The following CD302 variants were observed in gnomAD, a reference collection of about 807,000 sequenced individuals.
CD302 encodes CD302 antigen.
Under a neutral mutation model 26.5 loss-of-function variants are expected in CD302, and 23 were observed. That is an observed-to-expected ratio of 0.87 (90% CI 0.62 to 1.23). The LOEUF (loss-of-function observed/expected upper bound fraction) is 1.23. Ranked by LOEUF, CD302 falls within the 50% of genes most tolerant of loss-of-function variation. The probability of loss-of-function intolerance (pLI) is 0.00; values close to 1 mark genes in which losing one functional copy is unlikely to be tolerated. For missense variants in CD302, 290 were observed against 275.5 expected (o/e 1.05, Z -0.37); for synonymous variants, 90 against 99.4 (o/e 0.91, Z 0.56).
intron 1 of CD302, among the ~76,000 whole-genome samples, chr2:159,786,160 C>T (rs900196074): frequency 3.9e-5 from 6 of 151,978 alleles, no homozygotes; most frequent in African/African-American, 1.5e-4. Context: ...TTTTTGGATT[C>T]CTAACACCTC....
At chr2:159,782,937 A>G (rs376817330) in intron 2 of CD302, among the ~76,000 whole-genome samples, 2 of 152,218 alleles carry the variant, frequency 1.3e-5, no homozygotes, top group East Asian at 1.9e-4. Context: ...CTCTAAGCCT[A>G]AAATCCAACA....
chr2:159,773,178 G>A (rs1708208467), intron 5 of CD302, among the ~76,000 whole-genome samples: 1 of 152,182 alleles, frequency 6.6e-6, no homozygotes, highest in African/African-American at 2.4e-5. Flanking sequence ...ATGATGTCCA[G>A]CTAATTTTTG....
At chr2:159,774,111 T>TA (rs1708239400) in intron 5 of CD302, among the ~76,000 whole-genome samples, 1 of 151,954 alleles carries the variant, frequency 6.6e-6, no homozygotes, top group African/African-American at 2.4e-5. Flanking sequence ...GCCTTGAAGT[T>TA]ATCTCCTACT....
Position 159,798,113 on chromosome 2 carries a change from G to T in CD302, c.67+19C>A, listed in dbSNP as rs777168646. 2.4e-4 allele frequency: 355 copies of T among 1,495,800 alleles called. No individual in the cohort carries two copies. The highest frequency in any genetic ancestry group is 3.1e-4 in the Non-Finnish European group (345 of 1,128,268). 92.7% of individuals were successfully genotyped at this position (1,495,800 alleles called of 1,614,324 possible). A position where few individuals can be genotyped will look rare whatever the true frequency, so the allele number is the denominator to read the frequency against. On this transcript the variant is annotated intron_variant, in intron 1 of 5. Transcript: ENST00000259053. ...GGCGGTCGCGCACGGTCCCGGCGAG[G>T]GACTACGTAAGGGCTTACCCGCGAC...
In CD302 at chr2:159,779,863, A is replaced by G. The variant is rs1213423540; in HGVS notation, c.469+142T>C. The G allele has an allele frequency of 8.1e-6, 8 of 986,222 alleles. No homozygotes were observed. In the East Asian group the frequency reaches 8.2e-5, roughly 10 times the overall value. 61.1% of individuals were successfully genotyped at this position (986,222 alleles called of 1,614,324 possible). ...AAGCAATCCAGTGCCTCAGTTTACC[A>G]TAATGCTGGGATTGCAGGCGTGAGC... On this transcript the variant is annotated intron_variant, in intron 4 of 5. Transcript: ENST00000259053.
chr2:159,787,028 T>C (rs1268034920), intron 1 of CD302, among the ~76,000 whole-genome samples: 1 of 152,240 alleles, frequency 6.6e-6, no homozygotes, highest in Non-Finnish European at 1.5e-5. Flanking sequence ...AAAAATCATT[T>C]TATTTAAGAC....
At chr2:159,797,212 G>A (rs1358450496) in intron 1 of CD302, among the ~76,000 whole-genome samples, 1 of 122,288 alleles carries the variant, frequency 8.2e-6, no homozygotes, top group Non-Finnish European at 1.7e-5. Flanking sequence ...GTGAAATCTG[G>A]GGCAAGGGGT....
chr2:159,771,886 C>CAA lies in CD302; in HGVS notation c.662_663dup (p.Gly222LeufsTer20). On this transcript the variant is annotated frameshift_variant, in exon 6 of 6. Transcript: ENST00000259053. LOFTEE classifies it high-confidence loss of function. ...TGAACAGGATATTCATTTTCTTCTCCAACTACCAAAACACAGTCTTCATTA... is the reference window on the plus strand; with the variant it reads ...TGAACAGGATATTCATTTTCTTCTCCAAAACTACCAAAACACAGTCTTCATTA... 1.2e-6 allele frequency: 2 copies of CAA among 1,613,898 alleles called. No homozygotes were observed. Among genetic ancestry groups the CAA allele is most frequent in the African/African-American group, 2.7e-5 (2 of 75,016 alleles).
intron 1 of CD302, among the ~76,000 whole-genome samples, chr2:159,796,338 T>C (rs963469427): frequency 3.9e-5 from 6 of 152,172 alleles, no homozygotes; most frequent in Admixed American, 2.6e-4. Flanking sequence ...TATGAATGTG[T>C]TCAGTAACCA....
At chr2:159,775,113 T>A (rs1303985509) in intron 5 of CD302, among the ~76,000 whole-genome samples, 1 of 152,196 alleles carries the variant, frequency 6.6e-6, no homozygotes, top group Non-Finnish European at 1.5e-5. Flanking sequence ...GTTTTCCCTA[T>A]AGGATGTGTC....
chr2:159,773,930 A>G (rs1708233383), intron 5 of CD302, among the ~76,000 whole-genome samples: 1 of 152,192 alleles, frequency 6.6e-6, no homozygotes, highest in African/African-American at 2.4e-5. Context: ...AGGAAACAGC[A>G]AACACTGAAA....
In CD302 at chr2:159,769,151, T is replaced by C. The variant is rs1708052230; in HGVS notation, c.*2700A>G. The C allele has an allele frequency of 6.6e-6, 1 of 152,204 alleles. No individual in the cohort carries two copies. The allele number at this position is 152,204 out of a possible 1,614,324, so 9.4% of individuals were successfully genotyped here. A position where few individuals can be genotyped will look rare whatever the true frequency, so the allele number is the denominator to read the frequency against. The stretch of plus-strand genomic sequence containing the variant: ...TACACTGCTCACTACAAGAATGCAA[T>C]TTTCTAAGAAAATGTAGTTTAAAAT... On this transcript the variant is annotated 3_prime_UTR_variant, in exon 6 of 6. Coordinates refer to ENST00000259053, the MANE Select transcript of CD302 (RefSeq NM_014880.5).
At chr2:159,776,656 A>G (rs1422718299) in intron 5 of CD302, among the ~76,000 whole-genome samples, 2 of 151,010 alleles carry the variant, frequency 1.3e-5, no homozygotes, top group Admixed American at 6.6e-5. Flanking sequence ...GTTCTATCGT[A>G]GTAACCCCCA....
At chr2:159,775,607 C>G (rs968869506) in intron 5 of CD302, among the ~76,000 whole-genome samples, 1 of 152,170 alleles carries the variant, frequency 6.6e-6, no homozygotes, top group African/African-American at 2.4e-5. Context: ...TAACATGCTT[C>G]CGCTGCTTGA....
intron 1 of CD302, among the ~76,000 whole-genome samples, chr2:159,787,666 T>C (rs1490209356): frequency 6.6e-6 from 1 of 152,230 alleles, no homozygotes; most frequent in Non-Finnish European, 1.5e-5. Flanking sequence ...GGTGTTCTTT[T>C]AGATTTAAAT....
At chr2:159,787,730 G>A (rs1708704736) in intron 1 of CD302, among the ~76,000 whole-genome samples, 1 of 151,932 alleles carries the variant, frequency 6.6e-6, no homozygotes, top group Non-Finnish European at 1.5e-5. Context: ...CTGTATTACT[G>A]ACTGGGATAA....
At chr2:159,786,247 C>G (rs755333124) in intron 1 of CD302, among the ~76,000 whole-genome samples, 6 of 151,844 alleles carry the variant, frequency 4.0e-5, no homozygotes, top group Non-Finnish European at 5.9e-5. Flanking sequence ...CCTTAAGTAG[C>G]TTAATTTATC....
intron 5 of CD302, among the ~76,000 whole-genome samples, chr2:159,773,955 C>T (rs1225536314): frequency 6.6e-6 from 1 of 151,998 alleles, no homozygotes; most frequent in African/African-American, 2.4e-5. Flanking sequence ...CTCACTTTTT[C>T]ATTTCTTAAG....
chr2:159,783,427 TAAC>T lies in CD302; in HGVS notation c.107_109del (p.Cys36del), dbSNP rs1283108779. On this transcript the variant is annotated inframe_deletion, in exon 2 of 6. Coordinates refer to ENST00000259053, the MANE Select transcript of CD302 (RefSeq NM_014880.5). The stretch of plus-strand genomic sequence containing the variant: ...TTTGATGGCTTCTTGGAGAAAAATG[TAAC>T]AACTGTCTTGGAACTGAATCCAAGT... 2.5e-6 allele frequency: 4 copies of T among 1,612,810 alleles called. No homozygotes were observed. The highest frequency in any genetic ancestry group is 3.3e-5 in the Admixed American group (2 of 59,756).
Sources: allele counts gnomAD v4.1 joint callset (sites outside exome capture counted in the v4.1 genomes callset), GRCh38; gene constraint gnomAD v4.1.1; transcripts MANE v1.5; gene names NCBI Gene and HGNC (gene_info 2026-07-23, HGNC 2026-07-21).